LIMCH1: variants seen among roughly 807,000 people sequenced by gnomAD.
The protein encoded by LIMCH1 is LIM and calponin homology domains 1.
A neutral mutation model predicts 176.5 loss-of-function variants in LIMCH1; 113 were observed. The observed-to-expected ratio is 0.64, with a 90% CI of 0.55 to 0.75. The LOEUF (loss-of-function observed/expected upper bound fraction) is 0.75, where lower values mean the gene tolerates loss of function less well. Among genes scored for constraint, LIMCH1 ranks in the 30% least tolerant of loss-of-function variants. The pLI is 0.00. For synonymous variants in LIMCH1, 619 were observed against 645.9 expected (o/e 0.96, Z 0.63); for missense variants, 1,674 against 1,814.9 (o/e 0.92, Z 1.41).
At chr4:41,497,035 T>C (rs934374624) in intron 2 of LIMCH1, among the ~76,000 whole-genome samples, 1 of 152,246 alleles carries the variant, frequency 6.6e-6, no homozygotes, top group South Asian at 2.1e-4. Flanking sequence ...CTAAGCAGTT[T>C]GGCTCTTCTT....
chr4:41,524,461 A>T (rs1252176747), exon 3 of LIMCH1: 1 of 1,613,124 alleles, frequency 6.2e-7, no homozygotes, highest in African/African-American at 1.3e-5. Context: ...TAGATTGCCT[A>T]CCCCCATTGC....
intron 1 of LIMCH1, among the ~76,000 whole-genome samples, chr4:41,545,320 G>A (rs146043198): frequency 5.3e-4 from 80 of 152,258 alleles, no homozygotes; most frequent in Non-Finnish European, 8.8e-4. Context: ...TGTCCTTGAC[G>A]TTTAGTGGAA....
chr4:41,481,795 C>T (rs935833933), intron 1 of LIMCH1, among the ~76,000 whole-genome samples: 4 of 149,690 alleles, frequency 2.7e-5, no homozygotes, highest in African/African-American at 4.9e-5. Context: ...TGGAACAGGT[C>T]GGAGTAGGGA....
At chr4:41,604,837 G>T (rs1175262293) in intron 3 of LIMCH1, among the ~76,000 whole-genome samples, 1 of 152,060 alleles carries the variant, frequency 6.6e-6, no homozygotes, top group Non-Finnish European at 1.5e-5. Context: ...TCCCACAGAG[G>T]TAGAAAACAG....
chr4:41,470,415 T>C (rs112913168), intron 1 of LIMCH1, among the ~76,000 whole-genome samples: 158 of 152,326 alleles, frequency 1.0e-3, no homozygotes, highest in African/African-American at 3.7e-3. Context: ...GTTCCTGCAA[T>C]TGTCATTTCT....
chr4:41,414,461 G>A (rs4860994), intron 1 of LIMCH1, among the ~76,000 whole-genome samples: 16 of 152,238 alleles, frequency 1.1e-4, no homozygotes, highest in Non-Finnish European at 2.2e-4. Flanking sequence ...GATCCTTACC[G>A]TAGTGATTAG....
At chr4:41,384,268 G>A (rs2056156988) in intron 1 of LIMCH1, among the ~76,000 whole-genome samples, 1 of 151,638 alleles carries the variant, frequency 6.6e-6, no homozygotes, top group Admixed American at 6.6e-5. Context: ...GCAGTGGTGC[G>A]ATCTCGGCTC....
chr4:41,492,795 A>G (rs979176289), intron 1 of LIMCH1, among the ~76,000 whole-genome samples: 1 of 152,072 alleles, frequency 6.6e-6, no homozygotes, highest in Admixed American at 6.6e-5. Context: ...GAAGCTTTTT[A>G]ATTAGGTGTA....
intron 17 of LIMCH1, among the ~76,000 whole-genome samples, chr4:41,648,451 C>G (rs1232413970): frequency 2.6e-5 from 4 of 152,098 alleles, no homozygotes; most frequent in African/African-American, 9.7e-5. Flanking sequence ...TGAGCAGAGG[C>G]CCTCTTAGAG....
intron 1 of LIMCH1, among the ~76,000 whole-genome samples, chr4:41,419,602 C>CCTCCTTCCTCCTTCCTTCCTTCCTT (rs1430975004): frequency 2.8e-5 from 2 of 70,558 alleles, no homozygotes; most frequent in African/African-American, 2.3e-4. Context: ...TTCCTTCCTT[C>CCTCCTTCCTCCTTCCTTCCTTCCTT]CGTCCTTCCT....
intron 17 of LIMCH1, among the ~76,000 whole-genome samples, chr4:41,647,647 A>G (rs1231464398): frequency 6.6e-6 from 1 of 152,242 alleles, no homozygotes; most frequent in Non-Finnish European, 1.5e-5. Context: ...CTTGCACTCA[A>G]TGAGTTTGTA....
chr4:41,677,332 C>T (rs554388475), intron 23 of LIMCH1, among the ~76,000 whole-genome samples: 9 of 151,936 alleles, frequency 5.9e-5, no homozygotes, highest in Admixed American at 2.0e-4. Flanking sequence ...TGTTTGAACC[C>T]GTGAGGCGGA....
In LIMCH1 at chr4:41,621,027, T is replaced by G. The variant is rs533974290; in HGVS notation, c.725+337T>G. On this transcript the variant is annotated intron_variant, in intron 7 of 31. Transcript: ENST00000503057. ...TTCTATTGTTTGTGGCTTGTTAATT[T>G]TCATGCTACTCCTAAATGGCTCATA... 3.3e-5 allele frequency among the ~76,000 whole-genome samples: 5 copies of G among 152,344 alleles called. No homozygotes were observed. In the East Asian group the frequency reaches 9.6e-4, roughly 29 times the overall value.
intron 1 of LIMCH1, among the ~76,000 whole-genome samples, chr4:41,486,764 C>CCCTT (rs1434039670): frequency 6.6e-6 from 1 of 151,958 alleles, no homozygotes; most frequent in Admixed American, 6.6e-5. Context: ...GAATCTATGT[C>CCCTT]TCTTTCTTTC....
At chr4:41,439,995 T>C (rs2062533882) in intron 1 of LIMCH1, among the ~76,000 whole-genome samples, 1 of 152,216 alleles carries the variant, frequency 6.6e-6, no homozygotes. Context: ...TTTGTTCTGC[T>C]TCCTTACTGA....
intron 25 of LIMCH1, among the ~76,000 whole-genome samples, chr4:41,681,937 G>C (rs987521243): frequency 2.6e-5 from 4 of 152,176 alleles, no homozygotes; most frequent in Non-Finnish European, 5.9e-5. Context: ...TATAAAGTCT[G>C]GTCTGCCTCC....
At position 41,619,783 on chromosome 4, in the gene LIMCH1, G is replaced by A. The variant is rs185949192; in HGVS notation, c.458+343G>A. On this transcript the variant is annotated intron_variant, in intron 6 of 31. Coordinates refer to ENST00000503057, the MANE Select transcript of LIMCH1 (RefSeq NM_001330672.2). The stretch of plus-strand genomic sequence containing the variant: ...GACTCCCAATCCTGTCAGATTAGGC[G>A]TAGAAAGATTCCTATCTTTATGCAA... The A allele has an allele frequency of 1.3e-3, 394 of 296,824 alleles. 3 individuals carry two copies. The highest frequency in any genetic ancestry group is 4.7e-3 in the South Asian group (67 of 14,300). The allele number at this position is 296,824 out of a possible 1,614,324, so 18.4% of individuals were successfully genotyped here. A position where few individuals can be genotyped will look rare whatever the true frequency, so the allele number is the denominator to read the frequency against.
Position 41,666,707 on chromosome 4 carries a change from G to A in LIMCH1, c.3397+41G>A, listed in dbSNP as rs756569820. 4.6e-6 allele frequency: 6 copies of A among 1,297,818 alleles called. No individual in the cohort carries two copies. In the South Asian group the frequency reaches 4.7e-5, roughly 10 times the overall value. 80.4% of individuals were successfully genotyped at this position (1,297,818 alleles called of 1,614,324 possible). On this transcript the variant is annotated intron_variant, in intron 21 of 31. Transcript: ENST00000503057. ...TTTATTTTAGGTCTGCATGTTCTGG[G>A]CCCATCTGTAGTAAACTATTACTTA...
At chr4:41,576,019 G>T (rs539386566) in intron 1 of LIMCH1, among the ~76,000 whole-genome samples, 9 of 152,308 alleles carry the variant, frequency 5.9e-5, no homozygotes, top group African/African-American at 2.2e-4. Flanking sequence ...TGCCTAGTTG[G>T]ACAAAAAGAA....
Sources: gnomAD v4.1 joint callset for allele counts (sites outside exome capture counted in the v4.1 genomes callset) on GRCh38, gnomAD v4.1.1 for gene constraint, MANE v1.5 for transcripts, NCBI Gene and HGNC (gene_info 2026-07-23, HGNC 2026-07-21) for gene names.